Variants in STX3 observed in about 807,000 individuals in gnomAD.
STX3 encodes the protein syntaxin-3.
Under a neutral mutation model 40.2 loss-of-function variants are expected in STX3, and 19 were observed. The observed-to-expected ratio is 0.47, with a 90% CI of 0.33 to 0.69. STX3 has a LOEUF of 0.69. Ranked by LOEUF, STX3 falls within the 30% of genes least tolerant of loss-of-function variation. STX3 has a pLI of 0.02. For missense variants in STX3, 364 were observed against 366.7 expected (o/e 0.99, Z 0.06); for synonymous variants, 122 against 132.2 (o/e 0.92, Z 0.53).
Position 59,795,489 on chromosome 11 carries a change from C to A in STX3, c.786+7C>A, listed in dbSNP as rs375774258. The A allele has an allele frequency of 4.4e-6, 7 of 1,607,944 alleles. No homozygotes were observed. The highest frequency in any genetic ancestry group is 5.9e-6 in the Non-Finnish European group (7 of 1,177,164). ...CCAGAGTCAGGCCCGGAAGGTGAGA[C>A]TCTCCTGTGGCCTTCAGAGAAGAGA... On this transcript the variant is annotated splice_region_variant and intron_variant, in intron 9 of 10. Coordinates refer to ENST00000337979, the MANE Select transcript of STX3 (RefSeq NM_004177.5).
At chr11:59,765,051 T>C (rs1447126791) in intron 1 of STX3, among the ~76,000 whole-genome samples, 1 of 152,172 alleles carries the variant, frequency 6.6e-6, no homozygotes, top group Non-Finnish European at 1.5e-5. Context: ...ATAGGGCTAA[T>C]TCTTTCCTCA....
At chr11:59,773,550 G>A (rs1010419538) in intron 2 of STX3, among the ~76,000 whole-genome samples, 8 of 152,092 alleles carry the variant, frequency 5.3e-5, no homozygotes, top group Non-Finnish European at 1.0e-4. Context: ...ATCTTACTCC[G>A]TATGACAACA....
chr11:59,793,455 A>G lies in STX3; in HGVS notation c.616A>G (p.Ser206Gly). The G allele has an allele frequency of 6.2e-7, 1 of 1,614,168 alleles. No homozygotes were observed. The highest frequency in any genetic ancestry group is 8.5e-7 in the Non-Finnish European group (1 of 1,180,026). The change falls in exon 8 of 11, where the codon AGC becomes GGC. Residue 206 changes from serine (S) to glycine (G), a missense_variant. By Grantham distance (56) the Ser-to-Gly change is moderately conservative. Transcript: ENST00000337979. The part of the protein sequence containing the change: ...GRHKDIVRLE[S>G]SIKELHDMFM... ...ACACAAGGACATTGTGAGGCTGGAG[A>G]GCAGCATCAAGGAGCTTCACGACAT...
chr11:59,782,970 G>C (rs1015339194), intron 2 of STX3, among the ~76,000 whole-genome samples: 1 of 151,612 alleles, frequency 6.6e-6, no homozygotes, highest in Non-Finnish European at 1.5e-5. Flanking sequence ...CTGCACTCTA[G>C]CCTGGGCAAC....
At chr11:59,790,633 G>A (rs1205058897) in intron 5 of STX3, 47 bp downstream of exon 5, 1 of 1,429,350 alleles carries the variant, frequency 7.0e-7, no homozygotes, top group Non-Finnish European at 9.9e-7. Context: ...ATCTCTTATT[G>A]TTTTCCCTTA....
In STX3 at chr11:59,771,413, CG is replaced by C. The variant is rs564728521; in HGVS notation, c.31-1797del. On this transcript the variant is annotated intron_variant, in intron 1 of 10. Coordinates refer to ENST00000337979, the MANE Select transcript of STX3 (RefSeq NM_004177.5). Reference sequence around the variant, plus strand: ...CCCCGTCCCCCCACCTCCCCCCCCCCGCCCGCCCACAGAATCTCCAGGAGTT... The same window carrying C: ...CCCCGTCCCCCCACCTCCCCCCCCCCCCCGCCCACAGAATCTCCAGGAGTT... 5.7e-3 allele frequency among the ~76,000 whole-genome samples: 678 copies of C among 118,028 alleles called. 22 individuals are homozygous for C. Among genetic ancestry groups the C allele is most frequent in the African/African-American group, 0.022 (585 of 26,204 alleles). 77.4% of individuals were successfully genotyped at this position (118,028 alleles called of 152,430 possible). A position where few individuals can be genotyped will look rare whatever the true frequency, so the allele number is the denominator to read the frequency against.
chr11:59,761,059 C>A (rs994033873), intron 1 of STX3, among the ~76,000 whole-genome samples: 1 of 152,114 alleles, frequency 6.6e-6, no homozygotes, highest in African/African-American at 2.4e-5. Context: ...TCTTTACCTA[C>A]CTGAAGTGGA....
In STX3 at chr11:59,802,365, T is replaced by C; in HGVS notation, c.*1541T>C. 1.0e-6 allele frequency: 1 copy of C among 985,588 alleles called. No homozygotes were observed. Among genetic ancestry groups the C allele is most frequent in the Non-Finnish European group, 1.2e-6 (1 of 829,978 alleles). The allele number at this position is 985,588 out of a possible 1,614,324, so 61.1% of individuals were successfully genotyped here. A position where few individuals can be genotyped will look rare whatever the true frequency, so the allele number is the denominator to read the frequency against. On this transcript the variant is annotated 3_prime_UTR_variant, in exon 11 of 11. Coordinates refer to ENST00000337979, the MANE Select transcript of STX3 (RefSeq NM_004177.5). ...TGGGTACCATGTATATTTTCCGCTT[T>C]GACTTTAACGCTTTCTAGGATAGGG...
At chr11:59,781,266 T>C (rs1051553848) in intron 2 of STX3, 41 of 1,403,440 alleles carry the variant, frequency 2.9e-5, no homozygotes, top group Non-Finnish European at 4.0e-5. Flanking sequence ...TGAACTGAGC[T>C]TGGTCATTCT....
intron 1 of STX3, among the ~76,000 whole-genome samples, chr11:59,769,877 A>T (rs376560594): frequency 5.7e-4 from 80 of 139,310 alleles, no homozygotes; most frequent in African/African-American, 2.2e-3. Flanking sequence ...TGGGGGGGGA[A>T]GGTGTGTGGG....
chr11:59,798,924 C>T (rs1204064450), intron 10 of STX3, among the ~76,000 whole-genome samples: 1 of 148,798 alleles, frequency 6.7e-6, no homozygotes, highest in East Asian at 2.0e-4. Context: ...GTGTGTTGCT[C>T]TGTCGCCCAG....
At chr11:59,796,586 G>A (rs2135033462) in intron 9 of STX3, among the ~76,000 whole-genome samples, 1 of 152,250 alleles carries the variant, frequency 6.6e-6, no homozygotes, top group Middle Eastern at 3.4e-3. Context: ...AGGAGTATGG[G>A]CAAAAGTAGG....
Position 59,801,386 on chromosome 11 carries a change from A to AGAGCT in STX3, c.*565_*569dup, listed in dbSNP as rs1865881476. On this transcript the variant is annotated 3_prime_UTR_variant, in exon 11 of 11. Transcript: ENST00000337979. ...ACTGGCAGATGTCATTTTGGTCTAAAGAGCTGACTTGTTTGAAATTCAGCC... is the reference window on the plus strand; with the variant it reads ...ACTGGCAGATGTCATTTTGGTCTAAAGAGCTGAGCTGACTTGTTTGAAATTCAGCC... 1 of 988,074 alleles carries AGAGCT rather than the reference A, an allele frequency of 1.0e-6. No individual in the cohort carries two copies. The highest frequency in any genetic ancestry group is 6.0e-5 in the Admixed American group (1 of 16,724). 61.2% of individuals were successfully genotyped at this position (988,074 alleles called of 1,614,324 possible).
intron 1 of STX3, among the ~76,000 whole-genome samples, chr11:59,767,190 G>T (rs774098785): frequency 1.5e-4 from 23 of 152,152 alleles, no homozygotes; most frequent in African/African-American, 2.9e-4. Flanking sequence ...GCACACTTGA[G>T]GGGTAGGGTC....
At chr11:59,760,073 C>A (rs772883151) in intron 1 of STX3, among the ~76,000 whole-genome samples, 1 of 152,118 alleles carries the variant, frequency 6.6e-6, no homozygotes, top group Non-Finnish European at 1.5e-5. Context: ...TGTGAGCAGA[C>A]GGGAACCAGA....
In STX3 at chr11:59,759,254, A is replaced by C. The variant is rs114330709; in HGVS notation, c.30+3619A>C. 3.3e-3 allele frequency among the ~76,000 whole-genome samples: 507 copies of C among 152,332 alleles called. 5 individuals carry two copies. The highest frequency in any genetic ancestry group is 0.011 in the African/African-American group (455 of 41,556). On this transcript the variant is annotated intron_variant, in intron 1 of 10. Transcript: ENST00000337979. The stretch of plus-strand genomic sequence containing the variant: ...CTGCAAGTGAGTGAATTGAGGCTTA[A>C]CAAGAAAGGCAAGGATCCTAGATTG...
At position 59,801,780 on chromosome 11, in the gene STX3, G is replaced by T. The variant is rs1401833942; in HGVS notation, c.*956G>T. 1 of 985,304 alleles carries T rather than the reference G, an allele frequency of 1.0e-6. No individual in the cohort carries two copies. Among genetic ancestry groups the T allele is most frequent in the Non-Finnish European group, 1.2e-6 (1 of 829,892 alleles). The allele number at this position is 985,304 out of a possible 1,614,324, so 61.0% of individuals were successfully genotyped here. On this transcript the variant is annotated 3_prime_UTR_variant, in exon 11 of 11. Coordinates refer to ENST00000337979, the MANE Select transcript of STX3 (RefSeq NM_004177.5). The stretch of plus-strand genomic sequence containing the variant: ...AATGTATGTACACATAAGTGTGTGT[G>T]TCTCAGGAAGTAGGAAATAAAAATG...
chr11:59,793,636 G>A (rs1865337758), intron 8 of STX3, 122 bp downstream of exon 8: 1 of 1,347,980 alleles, frequency 7.4e-7, no homozygotes, highest in Non-Finnish European at 1.0e-6. Flanking sequence ...TTGGGAATTT[G>A]CATAAAGGAG....
chr11:59,777,543 G>A (rs1864042123), intron 2 of STX3, among the ~76,000 whole-genome samples: 1 of 152,224 alleles, frequency 6.6e-6, no homozygotes, highest in Admixed American at 6.5e-5. Flanking sequence ...GTGATCCTGA[G>A]CAGCAGTGTA....
Sources: allele counts gnomAD v4.1 joint callset (sites outside exome capture counted in the v4.1 genomes callset), GRCh38; gene constraint gnomAD v4.1.1; transcripts MANE v1.5; gene names NCBI Gene and HGNC (gene_info 2026-07-23, HGNC 2026-07-21).